The following LASP1 variants were observed in gnomAD, a reference collection of about 807,000 sequenced individuals.
LASP1 encodes the protein LIM and SH3 protein 1, also known as LIM and SH3 domain protein 1.
LASP1 carries 10 observed loss-of-function variants against 38.6 expected under a neutral mutation model. The observed-to-expected ratio is 0.26, with a 90% CI of 0.16 to 0.44. The LOEUF (loss-of-function observed/expected upper bound fraction) is 0.44, where lower values mean the gene tolerates loss of function less well. Among genes scored for constraint, LASP1 ranks in the 20% least tolerant of loss-of-function variants. LASP1 has a pLI of 1.00. For missense variants in LASP1, 243 were observed against 375.7 expected (o/e 0.65, Z 2.92); for synonymous variants, 132 against 140.8 (o/e 0.94, Z 0.44).
rs778100520 is a variant in LASP1 at position 38,914,428 on chromosome 17, G to A, written c.461G>A (p.Arg154Gln). ...TCACAGGACGGCAGCAGCTACCGGCGGCCCCTGGAGCAGCAGCAGCCTCAC... is the reference window on the plus strand; with the variant it reads ...TCACAGGACGGCAGCAGCTACCGGCAGCCCCTGGAGCAGCAGCAGCCTCAC... ...RDSQDGSSYR[R>Q]PLEQQQPHHI... Residue 154 changes from arginine (R) to glutamine (Q), a missense_variant, in exon 5 of 7, where the codon CGG becomes CAG. This residue lies in a region of LASP1 where 165 missense variants were observed against 210.3 expected (regional missense o/e 0.78). Transcript: ENST00000318008. The A allele has an allele frequency of 8.7e-6, 14 of 1,611,294 alleles. No homozygotes were observed. Among genetic ancestry groups the A allele is most frequent in the African/African-American group, 6.7e-5 (5 of 74,842 alleles).
chr17:38,882,797 A>G (rs1913993409), intron 2 of LASP1, among the ~76,000 whole-genome samples: 3 of 152,070 alleles, frequency 2.0e-5, no homozygotes, highest in Admixed American at 2.0e-4. Context: ...CAGCCAGGGA[A>G]ACCAGCTTGT....
Position 38,874,506 on chromosome 17 carries a change from G to C in LASP1, c.70-3580G>C, listed in dbSNP as rs193182708. Among the ~76,000 whole-genome samples the C allele has an allele frequency of 5.9e-5, 9 of 152,248 alleles. No homozygotes were observed. In the East Asian group the frequency reaches 1.7e-3, roughly 29 times the overall value. ...CAAAAAGGACACAGTGGAAGGAGCT[G>C]GTGGGTTTTCTTGAACCTTGGGGCC... On this transcript the variant is annotated intron_variant, in intron 1 of 6. Transcript: ENST00000318008.
chr17:38,919,334 C>A lies in LASP1; in HGVS notation c.*556C>A. Reference sequence around the variant, plus strand: ...GGGTCTCTCTCCCTACCTCCCTCCTCAGGGGCAACAACAGGAGAATGGGGT... The same window carrying A: ...GGGTCTCTCTCCCTACCTCCCTCCTAAGGGGCAACAACAGGAGAATGGGGT... On this transcript the variant is annotated 3_prime_UTR_variant, in exon 7 of 7. Coordinates refer to ENST00000318008, the MANE Select transcript of LASP1 (RefSeq NM_006148.4). 1 of 241,430 alleles carries A rather than the reference C, an allele frequency of 4.1e-6. No individual in the cohort carries two copies. The highest frequency in any genetic ancestry group is 8.2e-6 in the Non-Finnish European group (1 of 122,518). 15.0% of individuals were successfully genotyped at this position (241,430 alleles called of 1,614,324 possible).
intron 2 of LASP1, among the ~76,000 whole-genome samples, chr17:38,883,414 G>T (rs765494709): frequency 1.6e-4 from 24 of 152,204 alleles, no homozygotes; most frequent in Non-Finnish European, 3.2e-4. Flanking sequence ...AATAGGTGGA[G>T]CAGGAGTAGG....
rs1915266052 is a variant in LASP1 at position 38,920,351 on chromosome 17, G to A, written c.*1573G>A. 3 of 356,672 alleles carry A rather than the reference G, an allele frequency of 8.4e-6. No individual in the cohort carries two copies. The East Asian group carries it at 1.3e-4, about 15-fold the overall frequency. 22.1% of individuals were successfully genotyped at this position (356,672 alleles called of 1,614,324 possible). Reference sequence around the variant, plus strand: ...CTTGAAGCAAGAAAGAGGGTCCCAGGGCTGCAAAACTGGAAGCACAGCCTC... The same window carrying A: ...CTTGAAGCAAGAAAGAGGGTCCCAGAGCTGCAAAACTGGAAGCACAGCCTC... On this transcript the variant is annotated 3_prime_UTR_variant, in exon 7 of 7. Transcript: ENST00000318008.
chr17:38,880,466 C>T (rs901033031), intron 2 of LASP1, among the ~76,000 whole-genome samples: 1 of 152,214 alleles, frequency 6.6e-6, no homozygotes, highest in African/African-American at 2.4e-5. Flanking sequence ...GCAGAGGTTC[C>T]CCTGTCTCCC....
In LASP1 at chr17:38,915,083, T is replaced by C. The variant is rs1369755532; in HGVS notation, c.549T>C (p.Tyr183=). 3 of 1,613,886 alleles carry C rather than the reference T, an allele frequency of 1.9e-6. No individual in the cohort carries two copies. Among genetic ancestry groups the C allele is most frequent in the South Asian group, 1.1e-5 (1 of 91,084 alleles). Residue 183 remains tyrosine (Y), a synonymous_variant, in exon 6 of 7, where the codon TAT becomes TAC. Coordinates refer to ENST00000318008, the MANE Select transcript of LASP1 (RefSeq NM_006148.4). The part of the protein sequence containing the change: ...QPQQQPVAQS[Y]GGYKEPAAPV... Reference sequence around the variant, plus strand: ...AGCAGCAGCCGGTGGCCCAGTCCTATGGTGGCTACAAGGAGCCTGCAGCCC... The same window carrying C: ...AGCAGCAGCCGGTGGCCCAGTCCTACGGTGGCTACAAGGAGCCTGCAGCCC...
At chr17:38,915,464 C>A in intron 6 of LASP1, 1 of 220,730 alleles carries the variant, frequency 4.5e-6, no homozygotes, top group Non-Finnish European at 9.1e-6. Context: ...GGGCGCTGCT[C>A]TCCTCGCTTC....
intron 4 of LASP1, among the ~76,000 whole-genome samples, chr17:38,908,500 G>A (rs71367799): frequency 1.5e-3 from 225 of 152,342 alleles, no homozygotes; most frequent in African/African-American, 5.0e-3. Context: ...CCCTCCCAGC[G>A]GATGCTGGGG....
intron 6 of LASP1, among the ~76,000 whole-genome samples, chr17:38,917,293 T>C (rs1915159665): frequency 2.0e-5 from 3 of 152,212 alleles, no homozygotes; most frequent in South Asian, 2.1e-4. Context: ...TCTTATCCCA[T>C]AGACCTGTTG....
At chr17:38,913,198 C>G (rs1025381075) in intron 4 of LASP1, among the ~76,000 whole-genome samples, 3 of 152,228 alleles carry the variant, frequency 2.0e-5, no homozygotes, top group African/African-American at 7.2e-5. Flanking sequence ...CAGTAGAGCA[C>G]TGTGGGGGCA....
intron 5 of LASP1, 54 bp from the exon 6 acceptor site, chr17:38,914,989 A>T: frequency 1.9e-6 from 3 of 1,552,708 alleles, no homozygotes; most frequent in Non-Finnish European, 2.7e-6. Context: ...GAGCTCTGGG[A>T]GGGGCTGGGT....
intron 4 of LASP1, among the ~76,000 whole-genome samples, chr17:38,902,086 G>A (rs1914656129): frequency 6.6e-6 from 1 of 151,510 alleles, no homozygotes; most frequent in Admixed American, 6.6e-5. Context: ...TTTTGAGACA[G>A]GGTTTCGCTC....
chr17:38,911,891 T>G (rs1028575057), intron 4 of LASP1, among the ~76,000 whole-genome samples: 6 of 152,180 alleles, frequency 3.9e-5, no homozygotes, highest in Non-Finnish European at 8.8e-5. Context: ...CCTCCCAGGT[T>G]CAAGCTATCC....
chr17:38,873,195 G>A (rs967290695), intron 1 of LASP1, among the ~76,000 whole-genome samples: 4 of 152,090 alleles, frequency 2.6e-5, no homozygotes, highest in Non-Finnish European at 5.9e-5. Flanking sequence ...CCCTGTTAGG[G>A]TGGGCTCTCT....
Position 38,878,166 on chromosome 17 carries a change from G to C in LASP1, c.150G>C (p.Lys50Asn), listed in dbSNP as rs2143734348. ...NMKNYKGYEKKPYCNAHYPKQ... is the reference protein window; with the variant it reads ...NMKNYKGYEKNPYCNAHYPKQ... ...AGAACTACAAGGGCTACGAGAAGAAGCCCTACTGCAACGCGTGAGTCCTGT... is the reference window on the plus strand; with the variant it reads ...AGAACTACAAGGGCTACGAGAAGAACCCCTACTGCAACGCGTGAGTCCTGT... Residue 50 changes from lysine (K) to asparagine (N), a missense_variant, in exon 2 of 7, where the codon AAG (lysine) becomes AAC (asparagine). Transcript: ENST00000318008. The C allele has an allele frequency of 6.2e-7, 1 of 1,613,550 alleles. No homozygotes were observed. The highest frequency in any genetic ancestry group is 1.1e-5 in the South Asian group (1 of 91,020).
chr17:38,915,217 T>A (rs1296377920), intron 6 of LASP1, 71 bp downstream of exon 6: 7 of 1,216,006 alleles, frequency 5.8e-6, no homozygotes, highest in Non-Finnish European at 8.5e-6. Context: ...ACACAGCTCA[T>A]GGATTCTCCT....
chr17:38,897,668 A>C (rs1366802655), intron 3 of LASP1, among the ~76,000 whole-genome samples: 8 of 151,886 alleles, frequency 5.3e-5, no homozygotes, highest in Non-Finnish European at 2.9e-5. Context: ...GAGCTTGGAG[A>C]CCTGCTGAGA....
rs1915200100 is a variant in LASP1 at position 38,918,560 on chromosome 17, T to C, written c.613-45T>C. ...TTAGAAAAAAATGCTCAGACCCAGGTGAGCCGGCATGCAGGGCCCTAGGCT... is the reference window on the plus strand; with the variant it reads ...TTAGAAAAAAATGCTCAGACCCAGGCGAGCCGGCATGCAGGGCCCTAGGCT... On this transcript the variant is annotated intron_variant, in intron 6 of 6. Transcript: ENST00000318008. This position sits in a 1 kb window ranked among gnomAD's most constrained non-coding sequence, Gnocchi z 4.4. 1.3e-6 allele frequency: 2 copies of C among 1,530,612 alleles called. No homozygotes were observed. Among genetic ancestry groups the C allele is most frequent in the South Asian group, 1.3e-5 (1 of 79,484 alleles). The allele number at this position is 1,530,612 out of a possible 1,614,324, so 94.8% of individuals were successfully genotyped here.
Sources: allele counts gnomAD v4.1 joint callset (sites outside exome capture counted in the v4.1 genomes callset), GRCh38; gene constraint gnomAD v4.1.1; regional missense constraint gnomAD v4.1.1; non-coding constraint Gnocchi (gnomAD v3.1); transcripts MANE v1.5; gene names NCBI Gene and HGNC (gene_info 2026-07-23, HGNC 2026-07-21).